The following RFX2 variants were observed in gnomAD, a reference collection of about 807,000 sequenced individuals.
RFX2 encodes the protein DNA-binding protein RFX2.
A neutral mutation model predicts 87.8 loss-of-function variants in RFX2; 20 were observed. That is an observed-to-expected ratio of 0.23 (90% CI 0.16 to 0.33). The LOEUF is 0.33. Among genes scored for constraint, RFX2 ranks in the 10% least tolerant of loss-of-function variants. The pLI is 1.00. For synonymous variants in RFX2, 397 were observed against 431.3 expected (o/e 0.92, Z 0.98); for missense variants, 767 against 1,012.3 (o/e 0.76, Z 3.29).
At chr19:6,058,086 C>T (rs2087371232) in intron 1 of RFX2, among the ~76,000 whole-genome samples, 1 of 152,158 alleles carries the variant, frequency 6.6e-6, no homozygotes, top group South Asian at 2.1e-4. Context: ...TTCTCAGTGC[C>T]AAGAGTTATT....
intron 1 of RFX2, among the ~76,000 whole-genome samples, chr19:6,051,853 C>T (rs2144788021): frequency 6.6e-6 from 1 of 152,224 alleles, no homozygotes. Flanking sequence ...AAGAGATCCA[C>T]TGTGCAAACT....
At position 6,022,980 on chromosome 19, in the gene RFX2, A is replaced by T. The variant is rs990683292; in HGVS notation, c.597+3183T>A. On this transcript the variant is annotated intron_variant, in intron 6 of 17. Transcript: ENST00000303657. This position sits in a 1 kb window ranked among gnomAD's most constrained non-coding sequence, Gnocchi z 6.2. Reference sequence around the variant, plus strand: ...AACACGTGGCCAGCTCCGCTCAGAGATGTCTGTGAGGGGTTCCCTAGGTGG... The same window carrying T: ...AACACGTGGCCAGCTCCGCTCAGAGTTGTCTGTGAGGGGTTCCCTAGGTGG... The T allele has an allele frequency of 1.2e-4, 19 of 152,266 alleles. No individual in the cohort carries two copies. Among genetic ancestry groups the T allele is most frequent in the African/African-American group, 4.6e-4 (19 of 41,432 alleles). 9.4% of individuals were successfully genotyped at this position (152,266 alleles called of 1,614,324 possible). A position where few individuals can be genotyped will look rare whatever the true frequency, so the allele number is the denominator to read the frequency against.
At chr19:6,100,861 T>A (rs1477229255) in intron 1 of RFX2, among the ~76,000 whole-genome samples, 1 of 146,772 alleles carries the variant, frequency 6.8e-6, no homozygotes, top group Non-Finnish European at 1.5e-5. Flanking sequence ...TGAATTATAT[T>A]GATTTAATTG....
chr19:6,073,964 G>A (rs148267844), intron 1 of RFX2, among the ~76,000 whole-genome samples: 24 of 152,194 alleles, frequency 1.6e-4, no homozygotes, highest in African/African-American at 5.3e-4. Context: ...TGTGTGTCTC[G>A]TCCTCACACA....
intron 1 of RFX2, among the ~76,000 whole-genome samples, chr19:6,085,471 T>A (rs998151808): frequency 6.6e-6 from 1 of 152,248 alleles, no homozygotes; most frequent in Admixed American, 6.5e-5. Context: ...TTAAAAAATT[T>A]TTTTGCTGAG....
intron 7 of RFX2, among the ~76,000 whole-genome samples, chr19:6,014,518 C>T (rs521878): frequency 0.016 from 2,481 of 152,302 alleles, 50 homozygotes; most frequent in African/African-American, 0.054. Context: ...GGATTACAGG[C>T]GTGAGCAACC....
rs1015311272 is a variant in RFX2, at chr19:6,002,161, A to C, written c.1651-138T>G. 5.1e-5 allele frequency: 36 copies of C among 706,938 alleles called. No homozygotes were observed. The highest frequency in any genetic ancestry group is 7.4e-5 in the Non-Finnish European group (33 of 445,762). 43.8% of individuals were successfully genotyped at this position (706,938 alleles called of 1,614,324 possible). A position where few individuals can be genotyped will look rare whatever the true frequency, so the allele number is the denominator to read the frequency against. ...CCCTTGACCTTGACAGCTGCAAGCC[A>C]AGTCCTGTGTCTCCCGTCACAGGGG... On this transcript the variant is annotated intron_variant, in intron 14 of 17. Coordinates refer to ENST00000303657, the MANE Select transcript of RFX2 (RefSeq NM_000635.4). This position sits in a 1 kb window ranked among gnomAD's most constrained non-coding sequence, Gnocchi z 6.7.
At chr19:6,008,359 CTTTCTT>C (rs1236900377) in intron 9 of RFX2, 135 bp from the exon 10 acceptor site, 516 of 475,174 alleles carry the variant, frequency 1.1e-3, no homozygotes, top group Middle Eastern at 4.7e-3. Flanking sequence ...TTTGTTTTTT[CTTTCTT>C]TTTCTTTTTC....
In RFX2 at chr19:6,007,240, G is replaced by C. The variant is rs999722306; in HGVS notation, c.1248-74C>G. 14 of 1,502,060 alleles carry C rather than the reference G, an allele frequency of 9.3e-6. No homozygotes were observed. In the East Asian group the frequency reaches 3.0e-4, roughly 32 times the overall value. The allele number at this position is 1,502,060 out of a possible 1,614,324, so 93.0% of individuals were successfully genotyped here. ...TCACTCAGCCACGGGAGCGAGCAGA[G>C]AGCCGGGCTGCGGGACTTTTGCCCA... is the stretch of plus-strand genomic sequence containing the variant. On this transcript the variant is annotated intron_variant, in intron 11 of 17. Coordinates refer to ENST00000303657, the MANE Select transcript of RFX2 (RefSeq NM_000635.4). The surrounding 1 kb of genome is among the most constrained non-coding windows in gnomAD (Gnocchi z 8.2).
chr19:6,102,164 G>A (rs1418349433), intron 1 of RFX2, among the ~76,000 whole-genome samples: 1 of 152,160 alleles, frequency 6.6e-6, no homozygotes, highest in Admixed American at 6.5e-5. Flanking sequence ...GCTGCCTGCA[G>A]AACACTATTC....
intron 1 of RFX2, among the ~76,000 whole-genome samples, chr19:6,066,944 TC>T (rs1266885404): frequency 1.3e-5 from 2 of 152,170 alleles, no homozygotes; most frequent in Non-Finnish European, 2.9e-5. Context: ...AAAAACCCTC[TC>T]AAATATGTAA....
chr19:6,058,915 G>C (rs1055068466), intron 1 of RFX2, among the ~76,000 whole-genome samples: 3 of 152,080 alleles, frequency 2.0e-5, no homozygotes, highest in Non-Finnish European at 4.4e-5. Flanking sequence ...GCGCTGACAA[G>C]GCCTCCCCTA....
chr19:6,104,652 C>T (rs915251763), intron 1 of RFX2, among the ~76,000 whole-genome samples: 1 of 152,144 alleles, frequency 6.6e-6, no homozygotes, highest in Non-Finnish European at 1.5e-5. Flanking sequence ...AGCGATCCTC[C>T]TGCCCTAGCC....
rs1599862201 is a variant in RFX2, at chr19:6,024,599, C to T, written c.597+1564G>A. Among the ~76,000 whole-genome samples, 1 of 152,230 alleles carries T rather than the reference C, an allele frequency of 6.6e-6. No homozygotes were observed. Among genetic ancestry groups the T allele is most frequent in the South Asian group, 2.1e-4 (1 of 4,836 alleles). On this transcript the variant is annotated intron_variant, in intron 6 of 17. Transcript: ENST00000303657. The surrounding 1 kb of genome is among the most constrained non-coding windows in gnomAD (Gnocchi z 5.0). ...CAGGTGACCACACCTGTACCTAACC[C>T]ATAACCCAGGTTTCTGGACCTGTCC... is the stretch of plus-strand genomic sequence containing the variant.
intron 7 of RFX2, among the ~76,000 whole-genome samples, chr19:6,014,893 A>G (rs932965375): frequency 6.6e-6 from 1 of 152,196 alleles, no homozygotes; most frequent in African/African-American, 2.4e-5. Flanking sequence ...CTTTGAGAGC[A>G]CGTGAGTCAG....
intron 1 of RFX2, chr19:6,076,997 C>G (rs1031962722): frequency 1.3e-5 from 2 of 152,204 alleles, no homozygotes; most frequent in Non-Finnish European, 2.9e-5. Context: ...AACATCAACT[C>G]CCTTTTCCCT....
chr19:6,001,976 C>T lies in RFX2; in HGVS notation c.1698G>A (p.Arg566=). The change falls in exon 15 of 18, where the codon CGG becomes CGA. Residue 566 remains arginine (R), a synonymous_variant. Coordinates refer to ENST00000303657, the MANE Select transcript of RFX2 (RefSeq NM_000635.4). The surrounding 1 kb of genome is among the most constrained non-coding windows in gnomAD (Gnocchi z 5.6). ...VCQCEESVVQ[R]LEQDFKLTLQ... ...GGGTCAGCTTGAAATCCTGCTCCAG[C>T]CGCTGCACCACACTCTCCTCGCACT... 1 of 1,612,002 alleles carries T rather than the reference C, an allele frequency of 6.2e-7. No individual in the cohort carries two copies. The highest frequency in any genetic ancestry group is 8.5e-7 in the Non-Finnish European group (1 of 1,179,962).
intron 1 of RFX2, among the ~76,000 whole-genome samples, chr19:6,067,786 C>T (rs961567476): frequency 1.3e-5 from 2 of 152,172 alleles, no homozygotes; most frequent in African/African-American, 2.4e-5. Context: ...GTAGCTGCAG[C>T]CTCGATGGGT....
rs2087072742 is a variant in RFX2 at position 6,039,519 on chromosome 19, A to G, written c.522+461T>C. On this transcript the variant is annotated intron_variant, in intron 5 of 17. Coordinates refer to ENST00000303657, the MANE Select transcript of RFX2 (RefSeq NM_000635.4). The surrounding 1 kb of genome is among the most constrained non-coding windows in gnomAD (Gnocchi z 5.2). ...TTAAATGTAGAGACTCTGGAAAAGC[A>G]GATAAGTCGTTATTTTGCATCGGGG... Among the ~76,000 whole-genome samples, 1 of 152,270 alleles carries G rather than the reference A, an allele frequency of 6.6e-6. No homozygotes were observed. Among genetic ancestry groups the G allele is most frequent in the Non-Finnish European group, 1.5e-5 (1 of 68,050 alleles).
Sources: allele counts gnomAD v4.1 joint callset (sites outside exome capture counted in the v4.1 genomes callset), GRCh38; gene constraint gnomAD v4.1.1; non-coding constraint Gnocchi (gnomAD v3.1); transcripts MANE v1.5; gene names NCBI Gene and HGNC (gene_info 2026-07-23, HGNC 2026-07-21).